The following DNAH17 variants were observed in gnomAD, a reference collection of about 807,000 sequenced individuals.
DNAH17 encodes dynein axonemal heavy chain 17.
DNAH17 carries 376 observed loss-of-function variants against 485.6 expected under a neutral mutation model. The ratio of observed to expected loss-of-function variants is 0.77; its 90% confidence interval spans 0.71 to 0.84. DNAH17 has a LOEUF of 0.84. Ranked by LOEUF, DNAH17 falls within the 40% of genes least tolerant of loss-of-function variation. DNAH17 has a pLI of 0.00. For missense variants in DNAH17, 6,370 were observed against 5,839.3 expected (o/e 1.09, Z -2.96); for synonymous variants, 3,031 against 2,405.9 (o/e 1.26, Z -7.60).
rs568922769 is a variant in DNAH17 at position 78,512,140 on chromosome 17, G to A, written c.4114-1634C>T. Among the ~76,000 whole-genome samples the A allele has an allele frequency of 5.6e-4, 86 of 152,316 alleles. 1 individual carries two copies. The highest frequency in any genetic ancestry group is 3.4e-3 in the Middle Eastern group (1 of 294). ...GCTGGGACTTAATGAGAGATGGAGG[G>A]AACCATTTGTCCCCATTCTCCTACT... On this transcript the variant is annotated intron_variant, in intron 26 of 80. Coordinates refer to ENST00000389840, the MANE Select transcript of DNAH17 (RefSeq NM_173628.4).
At chr17:78,481,035 T>C (rs2089324198) in intron 48 of DNAH17, among the ~76,000 whole-genome samples, 1 of 151,788 alleles carries the variant, frequency 6.6e-6, no homozygotes, top group Admixed American at 6.6e-5. Context: ...AACCTCGTGA[T>C]GCGCCCGCCT....
intron 48 of DNAH17, among the ~76,000 whole-genome samples, chr17:78,483,538 G>A (rs985549426): frequency 4.6e-5 from 7 of 152,178 alleles, no homozygotes; most frequent in Non-Finnish European, 8.8e-5. Context: ...ACTGAGGCAG[G>A]AGAATCGCTG....
chr17:78,464,450 G>A (rs1267123093), intron 56 of DNAH17, among the ~76,000 whole-genome samples: 3 of 152,140 alleles, frequency 2.0e-5, no homozygotes, highest in Admixed American at 6.5e-5. Flanking sequence ...TGGTAGAGAT[G>A]GGGTTTCACC....
At chr17:78,518,807 G>A (rs1428593689) in intron 25 of DNAH17, among the ~76,000 whole-genome samples, 5 of 152,060 alleles carry the variant, frequency 3.3e-5, no homozygotes, top group African/African-American at 4.8e-5. Context: ...TGTGTTCTTT[G>A]ACCATAATGG....
chr17:78,515,415 A>G (rs2090754702), intron 25 of DNAH17, among the ~76,000 whole-genome samples: 1 of 152,240 alleles, frequency 6.6e-6, no homozygotes, highest in Non-Finnish European at 1.5e-5. Flanking sequence ...AGGCTGAGAC[A>G]GGAGAATCAC....
At chr17:78,470,704 G>A (rs1307894306) in intron 54 of DNAH17, among the ~76,000 whole-genome samples, 1 of 152,044 alleles carries the variant, frequency 6.6e-6, no homozygotes, top group Non-Finnish European at 1.5e-5. Context: ...AAAGAAATAA[G>A]TAACAGTGAA....
In DNAH17 at chr17:78,543,995, G is replaced by A. The variant is rs763988926; in HGVS notation, c.2394C>T (p.Asp798=). 5.0e-6 allele frequency: 8 copies of A among 1,613,916 alleles called. No homozygotes were observed. In the Middle Eastern group the frequency reaches 4.9e-4, roughly 100 times the overall value. Residue 798 remains aspartate, a splice_region_variant and synonymous_variant, in exon 17 of 81, where the codon GAC becomes GAT. Transcript: ENST00000389840. ...TTTCAAACAGCGGGTTGGCCGACCA[G>A]TCCTGGAAGGAAAGCACAGGAGTGA... The part of the protein sequence containing the change: ...NIEGISQAMK[D]WSANPLFERK...
At chr17:78,515,915 TCAC>T (rs563356719) in intron 25 of DNAH17, among the ~76,000 whole-genome samples, 145 of 152,270 alleles carry the variant, frequency 9.5e-4, no homozygotes, top group Non-Finnish European at 1.7e-3. Flanking sequence ...GAAACTTCAC[TCAC>T]AACAATATGA....
rs774705083 is a variant in DNAH17, at chr17:78,567,099, T to TTC, written c.1350_1351dup (p.Asn451ArgfsTer8). On this transcript the variant is annotated frameshift_variant, in exon 10 of 81. Transcript: ENST00000389840. LOFTEE classifies it high-confidence loss of function. ...ACGGGTCACCAGGCTCCCGAGGAGG[T>TTC]TCCCACGCACGCCCCCAAGCTCGAT... 2.5e-6 allele frequency: 4 copies of TTC among 1,612,098 alleles called. No homozygotes were observed. The highest frequency in any genetic ancestry group is 3.4e-6 in the Non-Finnish European group (4 of 1,179,284).
intron 25 of DNAH17, among the ~76,000 whole-genome samples, chr17:78,523,512 T>TA (rs1249085967): frequency 6.6e-6 from 1 of 151,736 alleles, no homozygotes; most frequent in Non-Finnish European, 1.5e-5. Context: ...ATAACTGGAT[T>TA]AAAAAAACTT....
chr17:78,491,949 G>A (rs567615507), intron 42 of DNAH17, among the ~76,000 whole-genome samples: 12 of 152,314 alleles, frequency 7.9e-5, no homozygotes, highest in Admixed American at 2.6e-4. Context: ...CGCTTCATGC[G>A]TCAGGCATGG....
In DNAH17 at chr17:78,463,003, GTA is replaced by G. The variant is rs758006403; in HGVS notation, c.9013_9014del (p.Tyr3005ProfsTer4). ...HTTVNEMSRV[Y>X]LATERRYNYT... ...AGTTGTAGCGCCTCTCAGTAGCCAGGTATACCCTGGACATCTCGTTGACGGTG... is the reference window on the plus strand; with the variant it reads ...AGTTGTAGCGCCTCTCAGTAGCCAGGTACCCTGGACATCTCGTTGACGGTG... On this transcript the variant is annotated frameshift_variant, in exon 57 of 81. Transcript: ENST00000389840. LOFTEE classifies it high-confidence loss of function. 15 of 1,613,882 alleles carry G rather than the reference GTA, an allele frequency of 9.3e-6. No homozygotes were observed. The highest frequency in any genetic ancestry group is 1.3e-5 in the Non-Finnish European group (15 of 1,179,900).
Position 78,486,109 on chromosome 17 carries a change from T to C in DNAH17, c.7126A>G (p.Ser2376Gly). Residue 2376 changes from serine to glycine, a missense_variant, in exon 46 of 81, where the codon AGT becomes GGT. Coordinates refer to ENST00000389840, the MANE Select transcript of DNAH17 (RefSeq NM_173628.4). ...TTGAATTCGTTGATCCACCATTTAC[T>C]GAACTCCACTCGATAATCCACAAGC... ...DQLVDYRVEF[S>G]KWWINEFKTI... is the part of the protein sequence containing the mutation. 1 of 1,613,856 alleles carries C rather than the reference T, an allele frequency of 6.2e-7. No individual in the cohort carries two copies. Among genetic ancestry groups the C allele is most frequent in the Non-Finnish European group, 8.5e-7 (1 of 1,179,824 alleles).
At chr17:78,426,313 C>A (rs979677976) in intron 79 of DNAH17, 144 bp downstream of exon 79, 2 of 1,038,580 alleles carry the variant, frequency 1.9e-6, no homozygotes, top group Non-Finnish European at 2.6e-6. Flanking sequence ...ATGGGCTAGG[C>A]CCTTCTGGCC....
chr17:78,527,390 A>G (rs959768180), intron 22 of DNAH17, among the ~76,000 whole-genome samples: 1 of 152,102 alleles, frequency 6.6e-6, no homozygotes, highest in Non-Finnish European at 1.5e-5. Flanking sequence ...TGTCTCAAAA[A>G]AACAAAAACA....
At chr17:78,524,422 GCCA>G (rs1475548639) in intron 25 of DNAH17, among the ~76,000 whole-genome samples, 1 of 152,134 alleles carries the variant, frequency 6.6e-6, no homozygotes, top group African/African-American at 2.4e-5. Context: ...ACAGGCATGA[GCCA>G]CCACACCGGG....
At chr17:78,434,366 T>C in intron 74 of DNAH17, 146 bp from the exon 75 acceptor site, 1 of 674,928 alleles carries the variant, frequency 1.5e-6, no homozygotes, top group South Asian at 2.2e-5. Context: ...GCTGTGCAGG[T>C]CTCTATCAGA....
chr17:78,493,991 C>G, intron 41 of DNAH17, 45 bp downstream of exon 41: 3 of 1,584,050 alleles, frequency 1.9e-6, no homozygotes, highest in Non-Finnish European at 2.6e-6. Context: ...CAGCCCTCCC[C>G]CACCATGCCG....
In DNAH17 at chr17:78,455,794, C is replaced by G; in HGVS notation, c.10020G>C (p.Glu3340Asp). The change falls in exon 63 of 81, where the codon GAG becomes GAC. Residue 3340 changes from glutamate to aspartate, a missense_variant. Transcript: ENST00000389840. ...CCTGGCTCCTGAAGTTCTCCACAGA[C>G]TCAGCCCAGCGGATGTTTTCCGATG... ...GLASENIRWA[E>D]SVENFRSQGV... 2.5e-6 allele frequency: 4 copies of G among 1,612,158 alleles called. No homozygotes were observed. The highest frequency in any genetic ancestry group is 3.4e-6 in the Non-Finnish European group (4 of 1,179,180).
Sources: allele counts gnomAD v4.1 joint callset (sites outside exome capture counted in the v4.1 genomes callset), GRCh38; gene constraint gnomAD v4.1.1; transcripts MANE v1.5; gene names NCBI Gene and HGNC (gene_info 2026-07-23, HGNC 2026-07-21).